GALNT17: variants seen among roughly 807,000 people sequenced by gnomAD.
GALNT17 encodes UDP-GalNAc:polypeptide N-acetylgalactosaminyltransferase-like 3.
A neutral mutation model predicts 63.7 loss-of-function variants in GALNT17; 29 were observed. That is an observed-to-expected ratio of 0.46 (90% CI 0.34 to 0.62). The LOEUF (loss-of-function observed/expected upper bound fraction) is 0.62, where lower values mean the gene tolerates loss of function less well. Ranked by LOEUF, GALNT17 falls within the 20% of genes least tolerant of loss-of-function variation. The pLI is 0.01. For synonymous variants in GALNT17, 305 were observed against 318.3 expected (o/e 0.96, Z 0.45); for missense variants, 603 against 799.6 (o/e 0.75, Z 2.97).
In GALNT17 at chr7:71,270,538, CAAAAAAAA is replaced by C. The variant is rs573250852; in HGVS notation, c.239-64996_239-64989del. On this transcript the variant is annotated intron_variant, in intron 1 of 10. Transcript: ENST00000333538. Reference sequence around the variant, plus strand: ...AGACTACGTACCCTCCCCACCCCACCAAAAAAAAAAAAAAAAAAAAAAAGAAACGAATT... The same window carrying C: ...AGACTACGTACCCTCCCCACCCCACCAAAAAAAAAAAAAAAGAAACGAATT... Among the ~76,000 whole-genome samples the C allele has an allele frequency of 2.6e-4, 23 of 89,206 alleles. No homozygotes were observed. In the Admixed American group the frequency reaches 2.9e-3, roughly 11 times the overall value. The allele number at this position is 89,206 out of a possible 152,430, so 58.5% of individuals were successfully genotyped here.
At chr7:71,250,899 A>G (rs550765994) in intron 1 of GALNT17, among the ~76,000 whole-genome samples, 2 of 152,298 alleles carry the variant, frequency 1.3e-5, no homozygotes, top group East Asian at 1.9e-4. Context: ...TACATTTTCC[A>G]AAAGTATTTG....
intron 5 of GALNT17, among the ~76,000 whole-genome samples, chr7:71,531,413 G>A (rs895263771): frequency 2.4e-4 from 36 of 152,074 alleles, no homozygotes; most frequent in African/African-American, 8.7e-4. Context: ...GCTACATGTG[G>A]CTAGTGGCTA....
intron 5 of GALNT17, among the ~76,000 whole-genome samples, chr7:71,426,625 C>T (rs1367027991): frequency 6.6e-6 from 1 of 152,120 alleles, no homozygotes; most frequent in Non-Finnish European, 1.5e-5. Context: ...TGACACATCT[C>T]ACGGCAAAGC....
intron 5 of GALNT17, among the ~76,000 whole-genome samples, chr7:71,508,303 G>T (rs1244269154): frequency 6.6e-6 from 1 of 152,154 alleles, no homozygotes; most frequent in Non-Finnish European, 1.5e-5. Context: ...TTGCAATTAC[G>T]TGAAACCAGC....
At chr7:71,616,718 A>G (rs11761980) in intron 6 of GALNT17, among the ~76,000 whole-genome samples, 1 of 136,692 alleles carries the variant, frequency 7.3e-6, no homozygotes, top group Non-Finnish European at 1.5e-5. Context: ...GATGTATATA[A>G]TATATAATTA....
chr7:71,163,203 G>A (rs1788379849), intron 1 of GALNT17, among the ~76,000 whole-genome samples: 1 of 152,218 alleles, frequency 6.6e-6, no homozygotes, highest in African/African-American at 2.4e-5. Context: ...CATTCACTGA[G>A]ACAGGGAAGA....
intron 2 of GALNT17, among the ~76,000 whole-genome samples, chr7:71,357,604 G>A (rs931255314): frequency 2.6e-5 from 4 of 152,132 alleles, no homozygotes; most frequent in Non-Finnish European, 5.9e-5. Context: ...AATGCCTTGA[G>A]TCATGCAGAT....
intron 9 of GALNT17, among the ~76,000 whole-genome samples, chr7:71,701,473 T>G (rs1249693154): frequency 1.3e-5 from 2 of 150,830 alleles, no homozygotes; most frequent in Non-Finnish European, 2.9e-5. Context: ...GATAACAGAG[T>G]GAGACTCTAT....
At chr7:71,611,976 C>G (rs946598930) in intron 6 of GALNT17, among the ~76,000 whole-genome samples, 5 of 152,136 alleles carry the variant, frequency 3.3e-5, no homozygotes, top group African/African-American at 1.2e-4. Flanking sequence ...ACTTACCACC[C>G]AGCCACAATT....
chr7:71,345,046 A>G (rs1792065952), intron 2 of GALNT17, among the ~76,000 whole-genome samples: 1 of 151,962 alleles, frequency 6.6e-6, no homozygotes, highest in African/African-American at 2.4e-5. Context: ...GGCTTTATTT[A>G]TGATTTGGCT....
At chr7:71,334,510 T>C (rs1360418743) in intron 1 of GALNT17, among the ~76,000 whole-genome samples, 1 of 152,148 alleles carries the variant, frequency 6.6e-6, no homozygotes, top group Non-Finnish European at 1.5e-5. Flanking sequence ...AGCTGGAACA[T>C]TTGAAATGGC....
intron 6 of GALNT17, among the ~76,000 whole-genome samples, chr7:71,643,726 A>G (rs1790635831): frequency 6.6e-6 from 1 of 152,050 alleles, no homozygotes; most frequent in Non-Finnish European, 1.5e-5. Context: ...AGGAGATGAC[A>G]TTTTAGAATT....
chr7:71,699,658 A>G (rs1353291913), intron 9 of GALNT17, among the ~76,000 whole-genome samples: 1 of 152,038 alleles, frequency 6.6e-6, no homozygotes. Flanking sequence ...TGCGGCCTGG[A>G]CACAGTGGCT....
Position 71,575,017 on chromosome 7 carries a change from C to T in GALNT17, c.1080+3615C>T, listed in dbSNP as rs572609650. Among the ~76,000 whole-genome samples, 11 of 152,172 alleles carry T rather than the reference C, an allele frequency of 7.2e-5. No individual in the cohort carries two copies. In the South Asian group the frequency reaches 2.3e-3, roughly 31 times the overall value. ...AGAGTCCTGTAGGCACCAACATCTA[C>T]TACCTTTTTAACTTCATGTACGGGT... On this transcript the variant is annotated intron_variant, in intron 6 of 10. Transcript: ENST00000333538.
intron 1 of GALNT17, among the ~76,000 whole-genome samples, chr7:71,164,588 G>A (rs1788403899): frequency 6.6e-6 from 1 of 152,218 alleles, no homozygotes; most frequent in African/African-American, 2.4e-5. Context: ...GTGAGGAAGT[G>A]CACTTAAGTG....
chr7:71,618,736 A>G (rs1448867341), intron 6 of GALNT17, among the ~76,000 whole-genome samples: 1 of 152,104 alleles, frequency 6.6e-6, no homozygotes, highest in Non-Finnish European at 1.5e-5. Flanking sequence ...ATAATTTGCA[A>G]ATATCTTCTC....
chr7:71,485,493 C>T (rs752629216), intron 5 of GALNT17, among the ~76,000 whole-genome samples: 5 of 152,214 alleles, frequency 3.3e-5, no homozygotes, highest in Non-Finnish European at 4.4e-5. Flanking sequence ...GACTGCCCAT[C>T]CTGGCTCAGA....
Position 71,536,153 on chromosome 7 carries a change from G to A in GALNT17, c.963-35132G>A, listed in dbSNP as rs114594523. Reference sequence around the variant, plus strand: ...AGCAAAAAGACTGTTTATCTACTTCGGTGACTGCTCTTGTCTCTAAGCTCC... The same window carrying A: ...AGCAAAAAGACTGTTTATCTACTTCAGTGACTGCTCTTGTCTCTAAGCTCC... On this transcript the variant is annotated intron_variant, in intron 5 of 10. Transcript: ENST00000333538. Among the ~76,000 whole-genome samples, 813 of 152,228 alleles carry A rather than the reference G, an allele frequency of 5.3e-3. 4 individuals carry two copies. The highest frequency in any genetic ancestry group is 0.019 in the African/African-American group (775 of 41,554).
At chr7:71,410,118 G>A (rs1455484288) in intron 3 of GALNT17, among the ~76,000 whole-genome samples, 5 of 152,132 alleles carry the variant, frequency 3.3e-5, no homozygotes, top group Admixed American at 2.0e-4. Flanking sequence ...TTGTAACAGG[G>A]TCTATTGTCC....
Sources: allele counts gnomAD v4.1 joint callset (sites outside exome capture counted in the v4.1 genomes callset), GRCh38; gene constraint gnomAD v4.1.1; transcripts MANE v1.5; gene names NCBI Gene and HGNC (gene_info 2026-07-23, HGNC 2026-07-21).